Variants in ANO6 observed in about 807,000 individuals in gnomAD.
ANO6 encodes the protein anoctamin 6.
A neutral mutation model predicts 117.5 loss-of-function variants in ANO6; 106 were observed. That is an observed-to-expected ratio of 0.90 (90% confidence interval 0.77 to 1.06). The LOEUF (loss-of-function observed/expected upper bound fraction) is 1.06. Ranked by LOEUF, ANO6 falls within the 50% of genes least tolerant of loss-of-function variation. ANO6 has a pLI of 0.00. For synonymous variants in ANO6, 367 were observed against 385.1 expected, an observed-to-expected ratio of 0.95 and a Z score of 0.55; for missense variants, 955 against 1,121.1, an observed-to-expected ratio of 0.85 and a Z score of 2.12.
intron 1 of ANO6, among the ~76,000 whole-genome samples, chr12:45,257,430 T>G (rs960022567): frequency 3.3e-5 from 5 of 152,134 alleles, no homozygotes; most frequent in African/African-American, 1.2e-4. Context: ...CTTGGAATGA[T>G]TTCGGTGATT....
At chr12:45,228,748 C>T (rs894760879) in intron 1 of ANO6, among the ~76,000 whole-genome samples, 9 of 152,146 alleles carry the variant, frequency 5.9e-5, no homozygotes, top group Non-Finnish European at 8.8e-5. Flanking sequence ...AGGATCTTGA[C>T]TTCATGTTTA....
chr12:45,228,545 C>T lies in ANO6; in HGVS notation c.70+12154C>T, dbSNP rs776955683. Among the ~76,000 whole-genome samples, 10 of 152,056 alleles carry T rather than the reference C, an allele frequency of 6.6e-5. No homozygotes were observed. The East Asian group carries it at 1.2e-3, about 18-fold the overall frequency. ...AGAAGTTATAGCTTTTATTACAGTTCGAGTCTTTAGAATATCACAGGAGAA... is the reference window on the plus strand; with the variant it reads ...AGAAGTTATAGCTTTTATTACAGTTTGAGTCTTTAGAATATCACAGGAGAA... On this transcript the variant is annotated intron_variant, in intron 1 of 19. Coordinates refer to ENST00000320560, the MANE Select transcript of ANO6 (RefSeq NM_001025356.3).
At chr12:45,247,467 G>A (rs1947842773) in intron 1 of ANO6, among the ~76,000 whole-genome samples, 1 of 152,186 alleles carries the variant, frequency 6.6e-6, no homozygotes, top group Non-Finnish European at 1.5e-5. Context: ...ATGTTATGTA[G>A]CAATCAGATG....
chr12:45,319,900 G>A (rs1040310455), intron 2 of ANO6, among the ~76,000 whole-genome samples: 1 of 152,128 alleles, frequency 6.6e-6, no homozygotes, highest in African/African-American at 2.4e-5. Context: ...CTAGTTTATT[G>A]GCGTAGAAGT....
intron 1 of ANO6, among the ~76,000 whole-genome samples, chr12:45,274,266 G>T (rs967510050): frequency 3.3e-5 from 5 of 152,124 alleles, no homozygotes; most frequent in African/African-American, 1.2e-4. Flanking sequence ...TTGCTTTACA[G>T]CTGTCGGCTT....
At chr12:45,425,075 T>A (rs1261802064) in intron 19 of ANO6, among the ~76,000 whole-genome samples, 1 of 152,130 alleles carries the variant, frequency 6.6e-6, no homozygotes, top group African/African-American at 2.4e-5. Flanking sequence ...AACATTTAAA[T>A]AATTATGGGT....
intron 3 of ANO6, among the ~76,000 whole-genome samples, chr12:45,333,162 A>G (rs1940725192): frequency 6.6e-6 from 1 of 152,042 alleles, no homozygotes; most frequent in African/African-American, 2.4e-5. Context: ...AAAATAACAT[A>G]TAGATGTTAC....
chr12:45,382,256 A>G (rs78414836), intron 10 of ANO6, among the ~76,000 whole-genome samples: 2 of 152,192 alleles, frequency 1.3e-5, no homozygotes, highest in South Asian at 4.1e-4. Context: ...GTTCTACCTC[A>G]TGTGACACAG....
chr12:45,254,387 T>C (rs138454242), intron 1 of ANO6, among the ~76,000 whole-genome samples: 411 of 152,264 alleles, frequency 2.7e-3, no homozygotes, highest in African/African-American at 9.1e-3. Context: ...CATCATTGCC[T>C]GGGGAGGCAG....
chr12:45,280,868 TTATA>T (rs780850139), intron 1 of ANO6, among the ~76,000 whole-genome samples: 1 of 145,468 alleles, frequency 6.9e-6, no homozygotes, highest in African/African-American at 2.5e-5. Context: ...ATATGTGTTT[TTATA>T]TATATATAGA....
At chr12:45,415,573 C>T (rs952091541) in intron 16 of ANO6, among the ~76,000 whole-genome samples, 5 of 152,268 alleles carry the variant, frequency 3.3e-5, no homozygotes, top group Non-Finnish European at 7.3e-5. Flanking sequence ...GACATCACTG[C>T]TTATTGCTGC....
intron 1 of ANO6, among the ~76,000 whole-genome samples, chr12:45,230,983 TG>T (rs1565633523): frequency 6.6e-6 from 1 of 152,122 alleles, no homozygotes. Context: ...GGTGCATGCC[TG>T]TAGTCCCAGC....
intron 3 of ANO6, among the ~76,000 whole-genome samples, chr12:45,339,061 G>A (rs371564992): frequency 2.9e-4 from 44 of 152,186 alleles, no homozygotes; most frequent in African/African-American, 9.1e-4. Flanking sequence ...AGCAGGATTG[G>A]CAAAAATCAG....
Position 45,439,956 on chromosome 12 carries a change from T to G in ANO6, c.*18T>G, listed in dbSNP as rs1464842029. On this transcript the variant is annotated 3_prime_UTR_variant, in exon 20 of 20. Coordinates refer to the ANO6 transcript ENST00000425752. ...TAAGTTAGATTTATTCAATAATTCA[T>G]TCAACAAATATTTGTGTGTCTATTA... 5 of 1,461,072 alleles carry G rather than the reference T, an allele frequency of 3.4e-6. No individual in the cohort carries two copies. The East Asian group carries it at 1.2e-4, about 36-fold the overall frequency. The allele number at this position is 1,461,072 out of a possible 1,614,324, so 90.5% of individuals were successfully genotyped here.
chr12:45,364,932 T>C lies in ANO6; in HGVS notation c.999-2756T>C, dbSNP rs577790968. 2.0e-5 allele frequency among the ~76,000 whole-genome samples: 3 copies of C among 152,346 alleles called. No homozygotes were observed. In the South Asian group the frequency reaches 6.2e-4, roughly 32 times the overall value. On this transcript the variant is annotated intron_variant, in intron 8 of 19. Coordinates refer to ENST00000320560, the MANE Select transcript of ANO6 (RefSeq NM_001025356.3). ...ATCAGGTATTTTCCCTGTTCAGGGT[T>C]TGTTGTTGCTTCCGTTTATTATTAT...
intron 1 of ANO6, among the ~76,000 whole-genome samples, chr12:45,298,184 G>A (rs1177438939): frequency 6.6e-6 from 1 of 152,168 alleles, no homozygotes; most frequent in African/African-American, 2.4e-5. Flanking sequence ...GAGGTCTCAA[G>A]TACTGTTGTT....
intron 1 of ANO6, among the ~76,000 whole-genome samples, chr12:45,293,733 T>TTTTG (rs1555165989): frequency 1.6e-5 from 2 of 122,024 alleles, no homozygotes; most frequent in African/African-American, 6.0e-5. Context: ...GCTAATGTTT[T>TTTTG]TTTTTTTTTT....
At chr12:45,250,822 C>T (rs1947890355) in intron 1 of ANO6, among the ~76,000 whole-genome samples, 1 of 148,746 alleles carries the variant, frequency 6.7e-6, no homozygotes. Flanking sequence ...TGGTGTCAAA[C>T]TCCTGGGATC....
At chr12:45,348,747 T>G in intron 6 of ANO6, 116 bp downstream of exon 6, 3 of 792,982 alleles carry the variant, frequency 3.8e-6, no homozygotes, top group Non-Finnish European at 6.6e-6. Context: ...GAAGGGAACA[T>G]ACTGCAAGAT....
Sources: allele counts gnomAD v4.1 joint callset (sites outside exome capture counted in the v4.1 genomes callset), GRCh38; gene constraint gnomAD v4.1.1; transcripts MANE v1.5; gene names NCBI Gene and HGNC (gene_info 2026-07-23, HGNC 2026-07-21).